Variants in TECRL observed in about 807,000 individuals in gnomAD.
The protein encoded by TECRL is trans-2,3-enoyl-CoA reductase like.
In TECRL, 63 loss-of-function variants were observed where a neutral mutation model predicts 52.8. The ratio of observed to expected loss-of-function variants is 1.19; its 90% CI spans 0.97 to 1.47. The LOEUF is 1.47. Among genes scored for constraint, TECRL ranks in the 40% most tolerant of loss-of-function variants. The pLI is 0.00. For synonymous variants in TECRL, 164 were observed against 141.9 expected (o/e 1.16, Z -1.10); for missense variants, 482 against 429.6 (o/e 1.12, Z -1.08).
chr4:64,332,224 A>T (rs1260727444), intron 2 of TECRL, among the ~76,000 whole-genome samples: 1 of 152,122 alleles, frequency 6.6e-6, no homozygotes, highest in Non-Finnish European at 1.5e-5. Flanking sequence ...CAAAAATCAA[A>T]CTTTATGCAC....
At chr4:64,335,597 C>CA (rs1719013811) in intron 2 of TECRL, among the ~76,000 whole-genome samples, 1 of 152,084 alleles carries the variant, frequency 6.6e-6, no homozygotes, top group Non-Finnish European at 1.5e-5. Context: ...GTCTCTGGTG[C>CA]CAAAAAGGTT....
At chr4:64,386,186 A>G (rs898978108) in intron 1 of TECRL, among the ~76,000 whole-genome samples, 3 of 152,180 alleles carry the variant, frequency 2.0e-5, no homozygotes, top group African/African-American at 7.2e-5. Context: ...ATTAACACAT[A>G]CTGCATCTAT....
At chr4:64,313,358 A>T (rs1285460653) in intron 5 of TECRL, among the ~76,000 whole-genome samples, 1 of 151,412 alleles carries the variant, frequency 6.6e-6, no homozygotes, top group Non-Finnish European at 1.5e-5. Context: ...CTGAATAAAT[A>T]TTCTCTTTCA....
intron 9 of TECRL, among the ~76,000 whole-genome samples, chr4:64,283,111 T>C (rs565021645): frequency 1.3e-5 from 2 of 152,188 alleles, no homozygotes; most frequent in Admixed American, 1.3e-4. Context: ...ATTTGATCAA[T>C]ATTGAAAATT....
In TECRL at chr4:64,284,090, G is replaced by A. The variant is rs79990038; in HGVS notation, c.833-2531C>T. Among the ~76,000 whole-genome samples, 984 of 152,114 alleles carry A rather than the reference G, an allele frequency of 6.5e-3. 8 individuals carry two copies. The highest frequency in any genetic ancestry group is 0.022 in the African/African-American group (932 of 41,520). Reference sequence around the variant, plus strand: ...ATACACATGGGGTTGGAATCTGAGGGTGTTTGAAAAGAGGGGTAAAGTATA... The same window carrying A: ...ATACACATGGGGTTGGAATCTGAGGATGTTTGAAAAGAGGGGTAAAGTATA... On this transcript the variant is annotated intron_variant, in intron 9 of 11. Transcript: ENST00000381210.
intron 9 of TECRL, among the ~76,000 whole-genome samples, chr4:64,282,352 G>A (rs1274882337): frequency 6.6e-6 from 1 of 151,958 alleles, no homozygotes; most frequent in Non-Finnish European, 1.5e-5. Context: ...TAACAAATCA[G>A]CTAAACTCTT....
chr4:64,288,149 TAA>T (rs377628980), intron 9 of TECRL, among the ~76,000 whole-genome samples: 13 of 135,572 alleles, frequency 9.6e-5, no homozygotes, highest in Non-Finnish European at 6.4e-5. Flanking sequence ...GACTCCATCT[TAA>T]AAAAAAAAAA....
chr4:64,338,043 T>A (rs1215956020), intron 2 of TECRL, among the ~76,000 whole-genome samples: 1 of 152,116 alleles, frequency 6.6e-6, no homozygotes, highest in African/African-American at 2.4e-5. Flanking sequence ...ACTATAAGGC[T>A]ACAATAACCA....
rs542942492 is a variant in TECRL, at chr4:64,377,869, ATTC to A, written c.235-2649_235-2647del. Among the ~76,000 whole-genome samples, 3 of 152,170 alleles carry A rather than the reference ATTC, an allele frequency of 2.0e-5. No homozygotes were observed. In the South Asian group the frequency reaches 6.2e-4, roughly 32 times the overall value. On this transcript the variant is annotated intron_variant, in intron 1 of 11. Transcript: ENST00000381210. ...CGTATTTTAGCCACTTTCACAGTAA[ATTC>A]TTAAGATGAACAGCTGTCTCCAAAA...
intron 3 of TECRL, among the ~76,000 whole-genome samples, chr4:64,323,690 A>G (rs1233460139): frequency 1.3e-5 from 2 of 152,214 alleles, no homozygotes; most frequent in Non-Finnish European, 2.9e-5. Context: ...GTTAAAATGT[A>G]TCAGTTGTAA....
chr4:64,401,432 T>A (rs540732297), intron 1 of TECRL, among the ~76,000 whole-genome samples: 2 of 152,332 alleles, frequency 1.3e-5, no homozygotes, highest in Admixed American at 1.3e-4. Context: ...CTATACTATA[T>A]ACTTTTCAAG....
chr4:64,306,018 A>C (rs1724316113), intron 6 of TECRL, among the ~76,000 whole-genome samples: 1 of 152,148 alleles, frequency 6.6e-6, no homozygotes, highest in Non-Finnish European at 1.5e-5. Context: ...CTCAGACCTC[A>C]CTAAACTAAG....
intron 1 of TECRL, among the ~76,000 whole-genome samples, chr4:64,382,209 AT>A (rs71203168): frequency 0.87 from 117,424 of 134,226 alleles, 51,477 homozygotes; most frequent in East Asian, 0.97. Context: ...ATATATATAT[AT>A]ATATATATAT....
At chr4:64,310,810 C>T (rs1423160800) in intron 5 of TECRL, among the ~76,000 whole-genome samples, 5 of 152,148 alleles carry the variant, frequency 3.3e-5, no homozygotes, top group Non-Finnish European at 5.9e-5. Context: ...GTCTTAAACT[C>T]TCAGGCTCCA....
At chr4:64,340,945 T>C (rs1719527602) in intron 2 of TECRL, among the ~76,000 whole-genome samples, 1 of 152,068 alleles carries the variant, frequency 6.6e-6, no homozygotes, top group South Asian at 2.1e-4. Flanking sequence ...AACAACCCAC[T>C]CCAGGGCCTC....
intron 2 of TECRL, among the ~76,000 whole-genome samples, chr4:64,339,814 C>A (rs932180571): frequency 2.0e-5 from 3 of 152,264 alleles, no homozygotes; most frequent in Non-Finnish European, 4.4e-5. Context: ...ACTAATAATT[C>A]TCTCTAAAAC....
rs139182909 is a variant in TECRL at position 64,378,073 on chromosome 4, T to G, written c.235-2850A>C. Among the ~76,000 whole-genome samples the G allele has an allele frequency of 2.4e-4, 37 of 152,192 alleles. 1 individual carries two copies. The highest frequency in any genetic ancestry group is 8.4e-4 in the African/African-American group (35 of 41,538). ...ACAGAAATAAAACCAAAGTAAAAGA[T>G]GAACTGATATAAATAATTAGATATA... On this transcript the variant is annotated intron_variant, in intron 1 of 11. Coordinates refer to ENST00000381210, the MANE Select transcript of TECRL (RefSeq NM_001010874.5).
chr4:64,294,665 T>C (rs1644902236), intron 8 of TECRL, among the ~76,000 whole-genome samples: 1 of 152,148 alleles, frequency 6.6e-6, no homozygotes, highest in Non-Finnish European at 1.5e-5. Context: ...AAACTGGAAT[T>C]GTAAATCTGT....
intron 1 of TECRL, among the ~76,000 whole-genome samples, chr4:64,389,174 A>G (rs1723380418): frequency 6.6e-6 from 1 of 151,968 alleles, no homozygotes; most frequent in South Asian, 2.1e-4. Context: ...TGGTGAGACT[A>G]AACATCCTTT....
Sources: allele counts gnomAD v4.1 joint callset (sites outside exome capture counted in the v4.1 genomes callset), GRCh38; gene constraint gnomAD v4.1.1; transcripts MANE v1.5; gene names NCBI Gene and HGNC (gene_info 2026-07-23, HGNC 2026-07-21).